The following FAM149A variants were observed in gnomAD, a reference collection of about 807,000 sequenced individuals.
The protein encoded by FAM149A is family with sequence similarity 149 member A, also known as protein FAM149A.
Under a neutral mutation model 78.2 loss-of-function variants are expected in FAM149A, and 71 were observed. That is an observed-to-expected ratio of 0.91 (90% CI 0.75 to 1.11). The LOEUF (loss-of-function observed/expected upper bound fraction) is 1.11. Ranked by LOEUF, FAM149A falls within the 50% of genes least tolerant of loss-of-function variation. FAM149A has a pLI of 0.00. For missense variants in FAM149A, 1,036 were observed against 971.0 expected (o/e 1.07, Z -0.89); for synonymous variants, 446 against 410.5 (o/e 1.09, Z -1.04).
chr4:186,161,303 T>C (rs1734586442), intron 8 of FAM149A, among the ~76,000 whole-genome samples: 1 of 152,138 alleles, frequency 6.6e-6, no homozygotes, highest in African/African-American at 2.4e-5. Context: ...AAACTGCACC[T>C]GGCGTGGGAG....
At chr4:186,126,782 C>T in intron 1 of FAM149A, 4 of 680,518 alleles carry the variant, frequency 5.9e-6, no homozygotes, top group Non-Finnish European at 7.2e-6. Context: ...TTCTTAGCCT[C>T]TGTGATTGCG....
At position 186,171,788 on chromosome 4, in the gene FAM149A, A is replaced by G. The variant is rs1221730138; in HGVS notation, c.2219-126A>G. ...TTTGCATATGACTATTTCCTAATTT[A>G]TACAAAAGTGTATTAAAATAAAATA... On this transcript the variant is annotated intron_variant, in intron 13 of 13. Coordinates refer to ENST00000389354, the MANE Select transcript of FAM149A (RefSeq NM_001367768.3). 1.3e-5 allele frequency: 9 copies of G among 679,776 alleles called. 1 individual carries two copies. Among genetic ancestry groups the G allele is most frequent in the Admixed American group, 8.4e-5 (2 of 23,922 alleles). 42.1% of individuals were successfully genotyped at this position (679,776 alleles called of 1,614,324 possible). A position where few individuals can be genotyped will look rare whatever the true frequency, so the allele number is the denominator to read the frequency against.
chr4:186,111,460 A>C (rs2099311244), intron 1 of FAM149A, among the ~76,000 whole-genome samples: 1 of 152,032 alleles, frequency 6.6e-6, no homozygotes, highest in Non-Finnish European at 1.5e-5. Flanking sequence ...TTGGACATGA[A>C]GTCCTTGCCC....
chr4:186,143,832 A>C (rs923754483), intron 1 of FAM149A, among the ~76,000 whole-genome samples: 18 of 152,146 alleles, frequency 1.2e-4, no homozygotes, highest in Non-Finnish European at 2.9e-5. Context: ...TGGCTGGACT[A>C]CTGTTTTTGT....
intron 9 of FAM149A, 129 bp downstream of exon 9, chr4:186,163,077 C>T (rs992354921): frequency 1.5e-6 from 1 of 659,128 alleles, no homozygotes; most frequent in South Asian, 1.9e-5. Context: ...TGTGCCTGAG[C>T]ACGTCTGGAA....
At chr4:186,151,853 C>G in intron 3 of FAM149A, 50 bp from the exon 4 acceptor site, 1 of 1,599,736 alleles carries the variant, frequency 6.3e-7, no homozygotes, top group African/African-American at 1.3e-5. Context: ...TCCAGAAGCC[C>G]GCAGTTCTGT....
At chr4:186,151,042 G>T in intron 3 of FAM149A, 1 of 985,300 alleles carries the variant, frequency 1.0e-6, no homozygotes, top group Non-Finnish European at 1.2e-6. Flanking sequence ...CACTCCCACT[G>T]CACATGGGAA....
At chr4:186,130,363 G>T (rs1390459817) in intron 1 of FAM149A, among the ~76,000 whole-genome samples, 4 of 145,988 alleles carry the variant, frequency 2.7e-5, no homozygotes, top group Non-Finnish European at 6.0e-5. Flanking sequence ...TGTAGTGGAA[G>T]ATTGTAACAG....
intron 10 of FAM149A, 48 bp from the exon 11 acceptor site, chr4:186,165,296 C>T: frequency 1.2e-6 from 2 of 1,611,074 alleles, no homozygotes; most frequent in South Asian, 1.1e-5. Flanking sequence ...TGTCACTTGC[C>T]AGTTATCCAT....
chr4:186,117,413 A>G (rs1275461088), intron 1 of FAM149A: 1 of 982,998 alleles, frequency 1.0e-6, no homozygotes, highest in Non-Finnish European at 1.2e-6. Flanking sequence ...ATGATCCAAG[A>G]GTGGTTTCAG....
chr4:186,125,576 A>C, intron 1 of FAM149A: 1 of 493,988 alleles, frequency 2.0e-6, no homozygotes, highest in Non-Finnish European at 2.6e-6. Flanking sequence ...GTTTCTCACG[A>C]GAATTTGCAC....
intron 7 of FAM149A, 131 bp from the exon 8 acceptor site, chr4:186,157,434 A>G: frequency 1.2e-6 from 1 of 867,504 alleles, no homozygotes; most frequent in Non-Finnish European, 1.8e-6. Flanking sequence ...CCTCCGTGGT[A>G]ACATGTGGAG....
At chr4:186,108,185 A>G (rs577320582) in intron 1 of FAM149A, among the ~76,000 whole-genome samples, 26 of 152,216 alleles carry the variant, frequency 1.7e-4, no homozygotes, top group Non-Finnish European at 3.8e-4. Flanking sequence ...TTTAAATTTC[A>G]AAAGCCTGGA....
chr4:186,129,036 T>G (rs1285783143), intron 1 of FAM149A, among the ~76,000 whole-genome samples: 1 of 151,996 alleles, frequency 6.6e-6, no homozygotes. Flanking sequence ...TCTCTGTGTG[T>G]GTATGAATGT....
At position 186,160,283 on chromosome 4, in the gene FAM149A, A is replaced by C. The variant is rs548490717; in HGVS notation, c.1576-2562A>C. 2.2e-5 allele frequency among the ~76,000 whole-genome samples: 3 copies of C among 139,232 alleles called. No homozygotes were observed. The East Asian group carries it at 6.6e-4, about 31-fold the overall frequency. The allele number at this position is 139,232 out of a possible 152,430, so 91.3% of individuals were successfully genotyped here. ...TGCACACACCCGACACAAACACACC[A>C]CACACCAAACACACACCCCACACAA... is the stretch of plus-strand genomic sequence containing the variant. On this transcript the variant is annotated intron_variant, in intron 8 of 13. Coordinates refer to ENST00000389354, the MANE Select transcript of FAM149A (RefSeq NM_001367768.3).
At chr4:186,122,514 A>G (rs1238349482) in intron 1 of FAM149A, among the ~76,000 whole-genome samples, 2 of 152,206 alleles carry the variant, frequency 1.3e-5, no homozygotes, top group African/African-American at 4.8e-5. Context: ...GGATCAGTAG[A>G]GTGTCATGAT....
At chr4:186,136,963 TTTCTCTCTCTCTTTCTCTCTCTCTC>T (rs2099323198) in intron 1 of FAM149A, among the ~76,000 whole-genome samples, 7 of 103,372 alleles carry the variant, frequency 6.8e-5, no homozygotes, top group Non-Finnish European at 9.5e-5. Context: ...TCTCTCTCTC[TTTCTCTCTCTCTTTCTCTCTCTCTC>T]TCTCTCTCTC....
intron 1 of FAM149A, chr4:186,130,266 T>TCC (rs2099320051): frequency 3.5e-5 from 1 of 28,436 alleles, no homozygotes; most frequent in Non-Finnish European, 5.9e-5. Flanking sequence ...TTATGAAATC[T>TCC]CTCTCTCTCT....
In FAM149A at chr4:186,163,571, A is replaced by C. The variant is rs1300633441; in HGVS notation, c.1827A>C (p.Ser609=). 1.2e-6 allele frequency: 2 copies of C among 1,614,224 alleles called. No individual in the cohort carries two copies. Among genetic ancestry groups the C allele is most frequent in the Non-Finnish European group, 1.7e-6 (2 of 1,180,030 alleles). Residue 609 remains serine, a synonymous_variant, in exon 10 of 14, where the codon TCA becomes TCC. Transcript: ENST00000389354. ...CCTGGAGGCTGCCTTCTCTTGCTTC[A>C]GATTCACAGAGACTAAAAACTCCCA...
Sources: allele counts gnomAD v4.1 joint callset (sites outside exome capture counted in the v4.1 genomes callset), GRCh38; gene constraint gnomAD v4.1.1; transcripts MANE v1.5; gene names NCBI Gene and HGNC (gene_info 2026-07-23, HGNC 2026-07-21).